FAT4: variants seen among roughly 807,000 people sequenced by gnomAD.
The protein encoded by FAT4 is protocadherin Fat 4.
In FAT4, 84 loss-of-function variants were observed where a neutral mutation model predicts 303.9. The ratio of observed to expected loss-of-function variants is 0.28; its 90% CI spans 0.23 to 0.33. FAT4 has a LOEUF of 0.33. Ranked by LOEUF, FAT4 falls within the 10% of genes least tolerant of loss-of-function variation. The probability of loss-of-function intolerance (pLI) is 1.00; values close to 1 mark genes in which losing one functional copy is unlikely to be tolerated. For synonymous variants in FAT4, 2,307 were observed against 2,298.8 expected, an observed-to-expected ratio of 1.00 and a Z score of -0.10; for missense variants, 6,005 against 6,146.8, an observed-to-expected ratio of 0.98 and a Z score of 0.77.
chr4:125,319,697 A>T lies in FAT4; in HGVS notation c.3286A>T (p.Asn1096Tyr), dbSNP rs769283475. The T allele has an allele frequency of 1.2e-6, 2 of 1,614,130 alleles. No individual in the cohort carries two copies. Among genetic ancestry groups the T allele is most frequent in the African/African-American group, 2.7e-5 (2 of 75,044 alleles). Reference protein sequence around the residue: ...VTVILEDVNDNRPLFNSTNYT... With the variant: ...VTVILEDVNDYRPLFNSTNYT... ...TGTAATTTTAGAAGATGTAAATGAT[A>T]ACAGACCTCTTTTTAACAGTACCAA... Residue 1096 changes from asparagine (N) to tyrosine (Y), a missense_variant, in exon 2 of 18, where the codon AAC becomes TAC. Asn to Tyr is a moderately radical substitution (Grantham distance 143). Transcript: ENST00000394329.
chr4:125,316,818 C>T lies in FAT4; in HGVS notation c.407C>T (p.Pro136Leu), dbSNP rs747347438. The T allele has an allele frequency of 6.2e-6, 10 of 1,613,784 alleles. No individual in the cohort carries two copies. Among genetic ancestry groups the T allele is most frequent in the African/African-American group, 5.3e-5 (4 of 74,900 alleles). ...RDLNDNAPVF[P>L]DPSIVVTFKE... is the part of the protein sequence containing the mutation. ...CTCAATGACAACGCCCCCGTTTTCC[C>T]GGACCCCTCTATCGTGGTCACTTTC... is the stretch of plus-strand genomic sequence containing the variant. Residue 136 changes from proline to leucine, a missense_variant, in exon 2 of 18, where the codon CCG becomes CTG. Physicochemically the swap from Pro to Leu is moderately conservative, Grantham distance 98. Transcript: ENST00000394329. The surrounding 1 kb of genome is among the most constrained non-coding windows in gnomAD (Gnocchi z 5.7).
Position 125,450,419 on chromosome 4 carries a change from G to T in FAT4, c.9409G>T (p.Gly3137Cys). Residue 3137 changes from glycine to cysteine, a missense_variant, in exon 10 of 18, where the codon GGC becomes TGC. Coordinates refer to ENST00000394329, the MANE Select transcript of FAT4 (RefSeq NM_001291303.3). ...CAGCATTTCTTCAGGAAATGAAGAA[G>T]GCATTTTTGCAATCAATTCTTCTAC... is the stretch of plus-strand genomic sequence containing the variant. ...KYSISSGNEE[G>C]IFAINSSTGI... The T allele has an allele frequency of 6.2e-7, 1 of 1,614,064 alleles. No homozygotes were observed. Among genetic ancestry groups the T allele is most frequent in the South Asian group, 1.1e-5 (1 of 91,078 alleles).
chr4:125,392,231 C>A (rs1221943593), intron 2 of FAT4, among the ~76,000 whole-genome samples: 2 of 152,068 alleles, frequency 1.3e-5, no homozygotes, highest in Non-Finnish European at 2.9e-5. Flanking sequence ...CACTTGTGAA[C>A]TCTAAACATT....
chr4:125,470,032 G>T (rs1726803383), intron 12 of FAT4, among the ~76,000 whole-genome samples: 2 of 152,126 alleles, frequency 1.3e-5, no homozygotes, highest in African/African-American at 4.8e-5. Flanking sequence ...GCTGTAGTCT[G>T]GATGCTGTGT....
At chr4:125,416,706 G>A in intron 7 of FAT4, 84 bp downstream of exon 7, 1 of 1,409,490 alleles carries the variant, frequency 7.1e-7, no homozygotes, top group Middle Eastern at 1.8e-4. Flanking sequence ...AGCACTTTGG[G>A]AGGCCAAGGT....
rs147577281 is a variant in FAT4 at position 125,385,959 on chromosome 4, A to G, written c.5176-12825A>G. 1.3e-4 allele frequency among the ~76,000 whole-genome samples: 20 copies of G among 152,228 alleles called. No homozygotes were observed. In the East Asian group the frequency reaches 3.9e-3, roughly 29 times the overall value. On this transcript the variant is annotated intron_variant, in intron 2 of 17. Coordinates refer to ENST00000394329, the MANE Select transcript of FAT4 (RefSeq NM_001291303.3). ...TGAAACATCTTATTAAAGAAAATTT[A>G]TTTTGTGATTTATTTCTTTATTTTT...
intron 2 of FAT4, among the ~76,000 whole-genome samples, chr4:125,377,592 A>G (rs1162097846): frequency 6.6e-6 from 1 of 152,144 alleles, no homozygotes; most frequent in Non-Finnish European, 1.5e-5. Flanking sequence ...TTCTGCTGTT[A>G]CATTTGTTCT....
chr4:125,416,030 T>C (rs1735043522), intron 6 of FAT4, among the ~76,000 whole-genome samples: 1 of 152,222 alleles, frequency 6.6e-6, no homozygotes, highest in Admixed American at 6.5e-5. Context: ...TTACTAGCTT[T>C]CTTTTGTGTA....
At chr4:125,414,737 T>C (rs1734971660) in intron 5 of FAT4, 147 bp from the exon 6 acceptor site, 2 of 603,270 alleles carry the variant, frequency 3.3e-6, no homozygotes, top group African/African-American at 3.7e-5. Flanking sequence ...GCAAGCAGTA[T>C]ATAGATCATT....
rs980816965 is a variant in FAT4, at chr4:125,401,061, C to A, written c.5307+2146C>A. 5.3e-5 allele frequency among the ~76,000 whole-genome samples: 8 copies of A among 151,826 alleles called. No individual in the cohort carries two copies. The South Asian group carries it at 1.7e-3, about 31-fold the overall frequency. On this transcript the variant is annotated intron_variant, in intron 3 of 17. Transcript: ENST00000394329. ...GGAAGGGAGTAACTAGGTGCACCTA[C>A]AACATTAAAGGAAAGGGGGGCATTT...
At chr4:125,328,242 C>A (rs1442887215) in intron 2 of FAT4, among the ~76,000 whole-genome samples, 1 of 152,130 alleles carries the variant, frequency 6.6e-6, no homozygotes, top group Non-Finnish European at 1.5e-5. Flanking sequence ...TGAAAATATT[C>A]TATTAAACAA....
intron 2 of FAT4, among the ~76,000 whole-genome samples, chr4:125,368,850 C>A (rs542061881): frequency 7.9e-5 from 12 of 152,044 alleles, no homozygotes; most frequent in Non-Finnish European, 1.3e-4. Context: ...GTTCTCCATG[C>A]TTTCGTGGCC....
intron 3 of FAT4, among the ~76,000 whole-genome samples, chr4:125,400,432 T>G (rs1410181937): frequency 1.3e-5 from 2 of 152,058 alleles, no homozygotes; most frequent in African/African-American, 4.8e-5. Context: ...CTGTTATAAT[T>G]TTATTTCCTT....
chr4:125,393,216 C>T (rs1244288163), intron 2 of FAT4, among the ~76,000 whole-genome samples: 4 of 151,866 alleles, frequency 2.6e-5, no homozygotes, highest in Admixed American at 6.6e-5. Context: ...TTTTTCATTC[C>T]GTTCATTAAG....
chr4:125,364,579 G>A (rs892083878), intron 2 of FAT4, among the ~76,000 whole-genome samples: 4 of 151,496 alleles, frequency 2.6e-5, no homozygotes, highest in South Asian at 2.1e-4. Flanking sequence ...TTTAAACTGC[G>A]ATACGAAGGA....
intron 7 of FAT4, among the ~76,000 whole-genome samples, chr4:125,428,742 GACT>G (rs1725184327): frequency 2.0e-5 from 3 of 152,002 alleles, no homozygotes. Context: ...TTTTTCATCT[GACT>G]ACTAATTGTA....
chr4:125,415,420 A>C lies in FAT4; in HGVS notation c.6457A>C (p.Ile2153Leu). 1 of 1,614,122 alleles carries C rather than the reference A, an allele frequency of 6.2e-7. No homozygotes were observed. Reference protein sequence around the residue: ...MVLDINDNNPIFAQALYKVEI... With the variant: ...MVLDINDNNPLFAQALYKVEI... ...ACTTGACATCAATGATAACAACCCC[A>C]TCTTTGCACAAGCTTTGTATAAAGT... The change falls in exon 6 of 18, where the codon ATC (isoleucine) becomes CTC (leucine). Residue 2153 changes from isoleucine to leucine, a missense_variant. Transcript: ENST00000394329.
intron 8 of FAT4, among the ~76,000 whole-genome samples, chr4:125,441,839 G>A (rs549763607): frequency 1.3e-5 from 2 of 152,278 alleles, no homozygotes; most frequent in African/African-American, 4.8e-5. Flanking sequence ...TTCTGCTCAT[G>A]GGACAAGGAT....
rs1490533749 is a variant in FAT4, at chr4:125,318,231, C to A, written c.1820C>A (p.Ala607Glu). Reference protein sequence around the residue: ...PTGTELLMLRATDGDLGDNGT... With the variant: ...PTGTELLMLRETDGDLGDNGT... ...GGGACAGAACTGTTGATGCTCAGGG[C>A]AACTGACGGGGACCTGGGTGACAAC... is the stretch of plus-strand genomic sequence containing the variant. Residue 607 changes from alanine (A) to glutamate (E), a missense_variant, in exon 2 of 18, where the codon GCA becomes GAA. Transcript: ENST00000394329. The A allele has an allele frequency of 1.2e-6, 2 of 1,614,084 alleles. No homozygotes were observed. Among genetic ancestry groups the A allele is most frequent in the South Asian group, 1.1e-5 (1 of 91,092 alleles).
Sources: allele counts gnomAD v4.1 joint callset (sites outside exome capture counted in the v4.1 genomes callset), GRCh38; gene constraint gnomAD v4.1.1; non-coding constraint Gnocchi (gnomAD v3.1); transcripts MANE v1.5; gene names NCBI Gene and HGNC (gene_info 2026-07-23, HGNC 2026-07-21).